The following BRINP1 variants were observed in gnomAD, a reference collection of about 807,000 sequenced individuals.
The protein encoded by BRINP1 is BMP/retinoic acid inducible neural specific 1, also known as BMP/retinoic acid-inducible neural-specific protein 1.
A neutral mutation model predicts 72.9 loss-of-function variants in BRINP1; 17 were observed. The observed-to-expected ratio is 0.23, with a 90% CI of 0.16 to 0.35. BRINP1 has a LOEUF of 0.35. Among genes scored for constraint, BRINP1 ranks in the 10% least tolerant of loss-of-function variants. BRINP1 has a pLI of 1.00. For synonymous variants in BRINP1, 418 were observed against 378.5 expected, an observed-to-expected ratio of 1.10 and a Z score of -1.21; for missense variants, 850 against 1,001.6, an observed-to-expected ratio of 0.85 and a Z score of 2.04.
At chr9:119,325,325 G>A (rs1831228996) in intron 1 of BRINP1, among the ~76,000 whole-genome samples, 2 of 152,102 alleles carry the variant, frequency 1.3e-5, no homozygotes, top group Admixed American at 6.5e-5. Context: ...CTGTCTCCCA[G>A]TATTCCCCAT....
intron 1 of BRINP1, 50 bp downstream of exon 1, chr9:119,369,006 G>T (rs1831726102): frequency 2.6e-6 from 1 of 392,148 alleles, no homozygotes; most frequent in Non-Finnish European, 4.5e-6. Flanking sequence ...GCCCGGGGCC[G>T]GGTCCAAGGG....
chr9:119,303,468 A>T (rs1210229391), intron 2 of BRINP1, among the ~76,000 whole-genome samples: 1 of 152,148 alleles, frequency 6.6e-6, no homozygotes, highest in Non-Finnish European at 1.5e-5. Context: ...GATGTCACAG[A>T]CTGTTCCTAT....
chr9:119,221,414 C>T (rs1043617235), intron 5 of BRINP1, among the ~76,000 whole-genome samples: 19 of 152,226 alleles, frequency 1.2e-4, no homozygotes, highest in Non-Finnish European at 2.2e-4. Flanking sequence ...AGGTCAATTA[C>T]CCATCTGTTT....
chr9:119,208,679 G>A, intron 7 of BRINP1, 40 bp downstream of exon 7: 4 of 1,579,496 alleles, frequency 2.5e-6, no homozygotes, highest in Non-Finnish European at 3.5e-6. Flanking sequence ...GCTAACGCCA[G>A]GTAGGTGCCT....
intron 1 of BRINP1, among the ~76,000 whole-genome samples, chr9:119,327,273 T>C (rs142771794): frequency 1.4e-3 from 213 of 152,312 alleles, no homozygotes; most frequent in African/African-American, 3.9e-3. Flanking sequence ...CCAGCACGCA[T>C]TAGCTATTTT....
chr9:119,280,410 T>G (rs1830698452), intron 2 of BRINP1, among the ~76,000 whole-genome samples: 1 of 151,538 alleles, frequency 6.6e-6, no homozygotes, highest in Non-Finnish European at 1.5e-5. Flanking sequence ...AGCTATTTTT[T>G]TTTTTTTGTA....
chr9:119,351,757 CA>C (rs779868500), intron 1 of BRINP1, among the ~76,000 whole-genome samples: 1 of 152,150 alleles, frequency 6.6e-6, no homozygotes, highest in Non-Finnish European at 1.5e-5. Context: ...AGTCAATGAG[CA>C]AAGTCATTAT....
chr9:119,170,395 A>C (rs1000237247), intron 7 of BRINP1, among the ~76,000 whole-genome samples: 35 of 150,744 alleles, frequency 2.3e-4, no homozygotes, highest in Admixed American at 6.6e-4. Flanking sequence ...TGGAAGATGA[A>C]ATGAATGAAA....
intron 2 of BRINP1, among the ~76,000 whole-genome samples, chr9:119,268,732 A>G (rs1441856914): frequency 2.0e-5 from 3 of 152,220 alleles, no homozygotes; most frequent in Admixed American, 2.0e-4. Flanking sequence ...CAGTAGGACA[A>G]GGACATTGTC....
At chr9:119,349,498 G>A (rs1016058658) in intron 1 of BRINP1, among the ~76,000 whole-genome samples, 1 of 152,172 alleles carries the variant, frequency 6.6e-6, no homozygotes, top group Admixed American at 6.5e-5. Context: ...ACCGAGATGC[G>A]TTACAAGGAA....
At chr9:119,318,844 GGTGTGTGTGTGT>G (rs56756136) in intron 1 of BRINP1, among the ~76,000 whole-genome samples, 20 of 142,234 alleles carry the variant, frequency 1.4e-4, no homozygotes, top group Admixed American at 3.4e-4. Flanking sequence ...AAATGTGTGG[GGTGTGTGTGTGT>G]GTGTGTGTGT....
intron 2 of BRINP1, among the ~76,000 whole-genome samples, chr9:119,262,595 G>T (rs372813994): frequency 1.4e-5 from 2 of 145,954 alleles, no homozygotes; most frequent in Non-Finnish European, 3.0e-5. Context: ...GCAGTGAGCC[G>T]AGATCATGCC....
At chr9:119,265,089 A>G (rs947559976) in intron 2 of BRINP1, among the ~76,000 whole-genome samples, 2 of 152,122 alleles carry the variant, frequency 1.3e-5, no homozygotes, top group Non-Finnish European at 2.9e-5. Context: ...TCTTACCCAC[A>G]TGCAGTTTTC....
chr9:119,199,496 A>G (rs1178399868), intron 7 of BRINP1, among the ~76,000 whole-genome samples: 2 of 152,166 alleles, frequency 1.3e-5, no homozygotes, highest in East Asian at 3.9e-4. Flanking sequence ...CATCTCAACA[A>G]TGGGTAATTA....
At chr9:119,233,288 G>A (rs571681851) in intron 5 of BRINP1, among the ~76,000 whole-genome samples, 3 of 151,976 alleles carry the variant, frequency 2.0e-5, no homozygotes, top group South Asian at 4.1e-4. Context: ...CTAGGCCCTG[G>A]TTTCTTCACC....
intron 4 of BRINP1, among the ~76,000 whole-genome samples, chr9:119,240,178 A>G (rs573593936): frequency 2.2e-4 from 34 of 152,272 alleles, no homozygotes; most frequent in African/African-American, 8.2e-4. Flanking sequence ...CTGAGGCAGG[A>G]GAATCGCTTG....
chr9:119,238,644 T>C lies in BRINP1; in HGVS notation c.685+11A>G. 6.3e-7 allele frequency: 1 copy of C among 1,580,748 alleles called. No homozygotes were observed. Among genetic ancestry groups the C allele is most frequent in the South Asian group, 1.1e-5 (1 of 88,348 alleles). Reference sequence around the variant, plus strand: ...CCCCAACTGACCCCACTTTTTCCACTGGCTTCCTACCTTGAAGGTGCAGTT... The same window carrying C: ...CCCCAACTGACCCCACTTTTTCCACCGGCTTCCTACCTTGAAGGTGCAGTT... On this transcript the variant is annotated intron_variant, in intron 5 of 7. Coordinates refer to ENST00000265922, the MANE Select transcript of BRINP1 (RefSeq NM_014618.3).
At chr9:119,218,247 C>A (rs1448595557) in intron 5 of BRINP1, among the ~76,000 whole-genome samples, 1 of 147,918 alleles carries the variant, frequency 6.8e-6, no homozygotes, top group African/African-American at 2.5e-5. Context: ...ACTCTGTCAC[C>A]AGGCTGGAGT....
At chr9:119,361,634 T>C (rs1207481804) in intron 1 of BRINP1, among the ~76,000 whole-genome samples, 1 of 152,034 alleles carries the variant, frequency 6.6e-6, no homozygotes, top group African/African-American at 2.4e-5. Context: ...TTTTTGTTTT[T>C]TTTTCAGACA....
Sources: gnomAD v4.1 joint callset for allele counts (sites outside exome capture counted in the v4.1 genomes callset) on GRCh38, gnomAD v4.1.1 for gene constraint, MANE v1.5 for transcripts, NCBI Gene and HGNC (gene_info 2026-07-23, HGNC 2026-07-21) for gene names.